CDH4: variants seen among roughly 807,000 people sequenced by gnomAD.
CDH4 encodes cadherin 4.
CDH4 carries 33 observed loss-of-function variants against 86.0 expected under a neutral mutation model. That is an observed-to-expected ratio of 0.38 (90% confidence interval 0.29 to 0.51). The LOEUF (loss-of-function observed/expected upper bound fraction) is 0.51. Ranked by LOEUF, CDH4 falls within the 20% of genes least tolerant of loss-of-function variation. The probability of loss-of-function intolerance (pLI) is 0.86; values close to 1 mark genes in which losing one functional copy is unlikely to be tolerated. For synonymous variants in CDH4, 555 were observed against 549.4 expected, an observed-to-expected ratio of 1.01 and a Z score of -0.14; for missense variants, 1,114 against 1,307.4, an observed-to-expected ratio of 0.85 and a Z score of 2.28.
At chr20:61,564,017 T>C (rs2086242914) in intron 2 of CDH4, among the ~76,000 whole-genome samples, 1 of 152,184 alleles carries the variant, frequency 6.6e-6, no homozygotes, top group African/African-American at 2.4e-5. Flanking sequence ...TTCACTTCTC[T>C]GTCCGTCCCT....
intron 2 of CDH4, among the ~76,000 whole-genome samples, chr20:61,470,947 G>T (rs1050665968): frequency 9.9e-5 from 15 of 152,082 alleles, no homozygotes; most frequent in Admixed American, 2.0e-4. Context: ...CTAGTATTTT[G>T]TTGAGGATTT....
intron 9 of CDH4, 146 bp from the exon 10 acceptor site, chr20:61,923,305 T>G: frequency 1.2e-6 from 1 of 805,816 alleles, no homozygotes; most frequent in Non-Finnish European, 2.0e-6. Context: ...ATGGGACCCT[T>G]TGGGGCCTCC....
chr20:61,615,024 G>A (rs1006056494), intron 2 of CDH4, among the ~76,000 whole-genome samples: 5 of 152,164 alleles, frequency 3.3e-5, no homozygotes, highest in Admixed American at 6.5e-5. Flanking sequence ...ACTTCCAGTG[G>A]AAGAGGCCTC....
At chr20:61,808,034 C>T (rs1980231854) in intron 4 of CDH4, among the ~76,000 whole-genome samples, 1 of 152,104 alleles carries the variant, frequency 6.6e-6, no homozygotes, top group African/African-American at 2.4e-5. Flanking sequence ...TCCTGGGAAT[C>T]CCGGCACAAG....
At chr20:61,666,985 A>G (rs1010645248) in intron 2 of CDH4, among the ~76,000 whole-genome samples, 8 of 152,262 alleles carry the variant, frequency 5.3e-5, no homozygotes, top group African/African-American at 1.9e-4. Context: ...CTGTATGTCC[A>G]GACGACTGCT....
chr20:61,674,282 A>G (rs2087422611), intron 2 of CDH4, among the ~76,000 whole-genome samples: 1 of 152,106 alleles, frequency 6.6e-6, no homozygotes. Flanking sequence ...GGAGAGGTGG[A>G]GGGAGGGGTG....
chr20:61,736,387 C>G (rs2088263214), intron 2 of CDH4, among the ~76,000 whole-genome samples: 1 of 152,158 alleles, frequency 6.6e-6, no homozygotes. Context: ...CGGAAGGGTC[C>G]TGTTATCAAG....
intron 2 of CDH4, among the ~76,000 whole-genome samples, chr20:61,741,743 G>A (rs769392005): frequency 1.3e-5 from 2 of 151,876 alleles, no homozygotes; most frequent in Non-Finnish European, 2.9e-5. Flanking sequence ...CACCCTCCTC[G>A]GCCTCCCAAA....
At chr20:61,397,800 G>A (rs1256616603) in intron 2 of CDH4, among the ~76,000 whole-genome samples, 1 of 152,158 alleles carries the variant, frequency 6.6e-6, no homozygotes, top group Non-Finnish European at 1.5e-5. Flanking sequence ...CTGAGTGAAT[G>A]GACACATGGA....
chr20:61,530,724 A>T (rs572888531), intron 2 of CDH4, among the ~76,000 whole-genome samples: 1 of 152,224 alleles, frequency 6.6e-6, no homozygotes, highest in South Asian at 2.1e-4. Flanking sequence ...TAAACCGTGG[A>T]TGCTGGATCC....
rs1360867735 is a variant in CDH4, at chr20:61,703,486, G to C, written c.170-40077G>C. ...TTTGCAGAGTATTTAACCTAATATT[G>C]AAAAGACATCATTTGTCCCCACCAA... On this transcript the variant is annotated intron_variant, in intron 2 of 15. Coordinates refer to ENST00000614565, the MANE Select transcript of CDH4 (RefSeq NM_001794.5). This position sits in a 1 kb window ranked among gnomAD's most constrained non-coding sequence, Gnocchi z 4.3. Among the ~76,000 whole-genome samples, 2 of 152,220 alleles carry C rather than the reference G, an allele frequency of 1.3e-5. No individual in the cohort carries two copies.
rs987045533 is a variant in CDH4 at position 61,654,318 on chromosome 20, G to A, written c.170-89245G>A. Among the ~76,000 whole-genome samples, 7 of 152,324 alleles carry A rather than the reference G, an allele frequency of 4.6e-5. 1 individual carries two copies. In the South Asian group the frequency reaches 6.2e-4, roughly 14 times the overall value. On this transcript the variant is annotated intron_variant, in intron 2 of 15. Transcript: ENST00000614565. ...CACGCGCCTGCAATCGCAAGCACTC[G>A]GCAGGCTGAGGCAGGAGAATCAGGC...
At chr20:61,320,344 A>C (rs1171107463) in intron 2 of CDH4, among the ~76,000 whole-genome samples, 1 of 152,136 alleles carries the variant, frequency 6.6e-6, no homozygotes, top group African/African-American at 2.4e-5. Context: ...TGCTAGGCAC[A>C]GGGTGTCATT....
At chr20:61,702,115 C>T (rs998226485) in intron 2 of CDH4, among the ~76,000 whole-genome samples, 12 of 152,188 alleles carry the variant, frequency 7.9e-5, no homozygotes, top group Non-Finnish European at 1.6e-4. Flanking sequence ...CTGCCATTTC[C>T]CGGTCCCTTC....
chr20:61,307,117 GC>G (rs2084421462), intron 2 of CDH4, among the ~76,000 whole-genome samples: 1 of 91,860 alleles, frequency 1.1e-5, no homozygotes, highest in Non-Finnish European at 2.9e-5. Flanking sequence ...AGCAGCTGCT[GC>G]CTTAGGAGGA....
intron 4 of CDH4, among the ~76,000 whole-genome samples, chr20:61,802,534 G>A (rs929031783): frequency 6.6e-6 from 1 of 152,138 alleles, no homozygotes; most frequent in Non-Finnish European, 1.5e-5. Context: ...TCGCTTTGAA[G>A]GAAAACTTAC....
chr20:61,276,241 G>A (rs2084231289), intron 2 of CDH4, among the ~76,000 whole-genome samples: 1 of 152,158 alleles, frequency 6.6e-6, no homozygotes, highest in Non-Finnish European at 1.5e-5. Flanking sequence ...AGTATAAATT[G>A]AAGTCTCATT....
chr20:61,803,496 G>C (rs183956395), intron 4 of CDH4, among the ~76,000 whole-genome samples: 1 of 152,210 alleles, frequency 6.6e-6, no homozygotes, highest in African/African-American at 2.4e-5. Context: ...GCTTTGGTCG[G>C]GGGATTAGAG....
intron 4 of CDH4, among the ~76,000 whole-genome samples, chr20:61,804,547 C>T (rs1027455566): frequency 3.3e-5 from 5 of 152,224 alleles, no homozygotes; most frequent in African/African-American, 1.2e-4. Context: ...CTCCTGAAGC[C>T]TCCAGGTCCT....
Sources: allele counts gnomAD v4.1 joint callset (sites outside exome capture counted in the v4.1 genomes callset), GRCh38; gene constraint gnomAD v4.1.1; non-coding constraint Gnocchi (gnomAD v3.1); transcripts MANE v1.5; gene names NCBI Gene and HGNC (gene_info 2026-07-23, HGNC 2026-07-21).